CABCOCO1: variants seen among roughly 807,000 people sequenced by gnomAD.
The protein encoded by CABCOCO1 is ciliary associated calcium binding coiled-coil 1.
CABCOCO1 carries 28 observed loss-of-function variants against 35.7 expected under a neutral mutation model. That is an observed-to-expected ratio of 0.78 (90% confidence interval 0.58 to 1.07). The LOEUF (loss-of-function observed/expected upper bound fraction) is 1.07. CABCOCO1 is among the 50% of genes least tolerant of loss of function. The pLI is 0.00. For missense variants in CABCOCO1, 326 were observed against 309.2 expected, an observed-to-expected ratio of 1.05 and a Z score of -0.41; for synonymous variants, 95 against 100.1, an observed-to-expected ratio of 0.95 and a Z score of 0.30.
chr10:61,766,230 G>C lies in CABCOCO1; in HGVS notation c.*217G>C. 1 of 402,852 alleles carries C rather than the reference G, an allele frequency of 2.5e-6. No homozygotes were observed. The highest frequency in any genetic ancestry group is 4.5e-6 in the Non-Finnish European group (1 of 222,492). The allele number at this position is 402,852 out of a possible 1,614,324, so 25.0% of individuals were successfully genotyped here. ...CTGAATTTATTGCACCAAGTGTAATGAGAACATTTTGTATACAAGAGTTTG... is the reference window on the plus strand; with the variant it reads ...CTGAATTTATTGCACCAAGTGTAATCAGAACATTTTGTATACAAGAGTTTG... On this transcript the variant is annotated 3_prime_UTR_variant, in exon 8 of 8. Transcript: ENST00000648843.
intron 5 of CABCOCO1, among the ~76,000 whole-genome samples, chr10:61,741,419 G>A (rs1381872560): frequency 6.6e-6 from 1 of 152,134 alleles, no homozygotes; most frequent in Non-Finnish European, 1.5e-5. Context: ...CTTGGTGAAT[G>A]AGTGCCACCT....
At chr10:61,740,329 G>C (rs1841522228) in intron 5 of CABCOCO1, among the ~76,000 whole-genome samples, 1 of 152,164 alleles carries the variant, frequency 6.6e-6, no homozygotes, top group African/African-American at 2.4e-5. Flanking sequence ...AAAGATGCCA[G>C]ATCCTGTCTG....
chr10:61,673,032 T>C (rs1296615497), intron 2 of CABCOCO1, among the ~76,000 whole-genome samples: 1 of 152,216 alleles, frequency 6.6e-6, no homozygotes, highest in African/African-American at 2.4e-5. Context: ...CTTTCATTCA[T>C]AAAACTGTCA....
intron 5 of CABCOCO1, among the ~76,000 whole-genome samples, chr10:61,735,526 T>C (rs1841397343): frequency 6.6e-6 from 1 of 152,150 alleles, no homozygotes; most frequent in South Asian, 2.1e-4. Flanking sequence ...ATGGAGGTCT[T>C]GCTGAAAAAG....
At position 61,766,031 on chromosome 10, in the gene CABCOCO1, A is replaced by G. The variant is rs1842101950; in HGVS notation, c.*18A>G. On this transcript the variant is annotated 3_prime_UTR_variant, in exon 8 of 8. Transcript: ENST00000648843. ...AGGCCTAAGGACTTGGTACAAGGAG[A>G]GTGATGCTAAACTTCACAGAAACAA... 1.9e-6 allele frequency: 3 copies of G among 1,599,630 alleles called. No individual in the cohort carries two copies. The highest frequency in any genetic ancestry group is 2.6e-6 in the Non-Finnish European group (3 of 1,168,150).
intron 3 of CABCOCO1, among the ~76,000 whole-genome samples, chr10:61,681,645 A>G (rs574075052): frequency 6.6e-6 from 1 of 152,280 alleles, no homozygotes; most frequent in South Asian, 2.1e-4. Context: ...TAAAATTAAA[A>G]GTTTATCAGT....
chr10:61,697,547 A>G (rs796989378), intron 5 of CABCOCO1, among the ~76,000 whole-genome samples: 17 of 152,232 alleles, frequency 1.1e-4, no homozygotes, highest in African/African-American at 3.6e-4. Context: ...AAGAATTTAT[A>G]CTAACAATTA....
At chr10:61,677,548 C>CT (rs34580224) in intron 2 of CABCOCO1, among the ~76,000 whole-genome samples, 2,434 of 150,536 alleles carry the variant, frequency 0.016, 37 homozygotes, top group East Asian at 0.047. Context: ...TTTTCTTTTT[C>CT]TTTTTTTTTA....
At chr10:61,689,712 T>A (rs1403311832) in intron 4 of CABCOCO1, among the ~76,000 whole-genome samples, 2 of 152,192 alleles carry the variant, frequency 1.3e-5, no homozygotes, top group African/African-American at 4.8e-5. Flanking sequence ...GACAATTTTT[T>A]GTTCTTGGGC....
At chr10:61,713,286 C>T (rs1160650448) in intron 5 of CABCOCO1, among the ~76,000 whole-genome samples, 1 of 152,142 alleles carries the variant, frequency 6.6e-6, no homozygotes, top group Non-Finnish European at 1.5e-5. Flanking sequence ...TGGGAGTTCA[C>T]TCATGATTTG....
chr10:61,723,918 A>C (rs1050570887), intron 5 of CABCOCO1, among the ~76,000 whole-genome samples: 10 of 152,340 alleles, frequency 6.6e-5, no homozygotes, highest in African/African-American at 2.4e-4. Flanking sequence ...CTGTATAACT[A>C]TCTGAAAAAG....
At chr10:61,695,274 T>C (rs537291668) in intron 5 of CABCOCO1, among the ~76,000 whole-genome samples, 2 of 149,846 alleles carry the variant, frequency 1.3e-5, no homozygotes, top group Non-Finnish European at 3.0e-5. Flanking sequence ...AAGAGAAAAA[T>C]TGATAAAGTG....
chr10:61,749,571 C>T (rs529182260), intron 5 of CABCOCO1, among the ~76,000 whole-genome samples: 5 of 152,208 alleles, frequency 3.3e-5, no homozygotes, highest in Admixed American at 6.5e-5. Flanking sequence ...AACAAATTCT[C>T]TTTCTGAATT....
chr10:61,671,582 C>G (rs955972197), intron 1 of CABCOCO1, among the ~76,000 whole-genome samples: 1 of 152,160 alleles, frequency 6.6e-6, no homozygotes, highest in Non-Finnish European at 1.5e-5. Flanking sequence ...ATTTCAGAAA[C>G]TCAGAATCTC....
intron 5 of CABCOCO1, among the ~76,000 whole-genome samples, chr10:61,751,236 T>TTTTC (rs1017321983): frequency 7.4e-6 from 1 of 135,044 alleles, no homozygotes; most frequent in African/African-American, 3.1e-5. Context: ...TTTTTTTTTT[T>TTTTC]CATATAACAA....
At chr10:61,688,042 T>C (rs551085637) in intron 4 of CABCOCO1, among the ~76,000 whole-genome samples, 4 of 152,160 alleles carry the variant, frequency 2.6e-5, no homozygotes, top group East Asian at 3.9e-4. Flanking sequence ...TCAAGAAGAA[T>C]ACCTAATAGA....
chr10:61,742,019 A>G (rs1459665172), intron 5 of CABCOCO1, among the ~76,000 whole-genome samples: 2 of 152,166 alleles, frequency 1.3e-5, no homozygotes, highest in Non-Finnish European at 1.5e-5. Flanking sequence ...GTAGAAGGTA[A>G]TGGCTGTGGT....
chr10:61,757,878 A>G (rs1364684042), intron 5 of CABCOCO1, among the ~76,000 whole-genome samples: 2 of 152,042 alleles, frequency 1.3e-5, no homozygotes, highest in African/African-American at 2.4e-5. Flanking sequence ...GGAAATGGGT[A>G]CAAGTAGAAA....
In CABCOCO1 at chr10:61,720,452, A is replaced by G. The variant is rs139958120; in HGVS notation, c.552+29831A>G. On this transcript the variant is annotated intron_variant, in intron 5 of 7. Coordinates refer to ENST00000648843, the MANE Select transcript of CABCOCO1 (RefSeq NM_001366906.2). ...ATAGGAAATGATCTCAAATGTACAAAGTCTGAGGAAGTATATCTCCCACAT... is the reference window on the plus strand; with the variant it reads ...ATAGGAAATGATCTCAAATGTACAAGGTCTGAGGAAGTATATCTCCCACAT... Among the ~76,000 whole-genome samples, 59 of 152,220 alleles carry G rather than the reference A, an allele frequency of 3.9e-4. 1 individual carries two copies. In the East Asian group the frequency reaches 8.1e-3, roughly 21 times the overall value.
Sources: allele counts gnomAD v4.1 joint callset (sites outside exome capture counted in the v4.1 genomes callset), GRCh38; gene constraint gnomAD v4.1.1; transcripts MANE v1.5; gene names NCBI Gene and HGNC (gene_info 2026-07-23, HGNC 2026-07-21).